The following PTPRQ variants were observed in gnomAD, a reference collection of about 807,000 sequenced individuals.
PTPRQ encodes phosphatidylinositol phosphatase PTPRQ.
Under a neutral mutation model 246.0 loss-of-function variants are expected in PTPRQ, and 199 were observed. That is an observed-to-expected ratio of 0.81 (90% CI 0.72 to 0.91). PTPRQ has a LOEUF of 0.91. PTPRQ is among the 40% of genes least tolerant of loss of function. The pLI, the probability that PTPRQ is intolerant of heterozygous loss-of-function variation, is 0.00. For missense variants in PTPRQ, 2,624 were observed against 2,528.4 expected (o/e 1.04, Z -0.81); for synonymous variants, 869 against 853.2 (o/e 1.02, Z -0.32).
intron 35 of PTPRQ, among the ~76,000 whole-genome samples, chr12:80,639,337 C>T (rs772266249): frequency 2.3e-4 from 35 of 152,142 alleles, no homozygotes; most frequent in Non-Finnish European, 4.4e-4. Flanking sequence ...AGTAAAACAA[C>T]ATTAATCAAT....
chr12:80,577,499 C>A (rs1897307427), intron 25 of PTPRQ, among the ~76,000 whole-genome samples: 1 of 152,118 alleles, frequency 6.6e-6, no homozygotes, highest in Non-Finnish European at 1.5e-5. Flanking sequence ...ATGGGAACTA[C>A]AATTCAAGAT....
chr12:80,454,439 C>A lies in PTPRQ; in HGVS notation c.391-3136C>A, dbSNP rs1204055265. The A allele has an allele frequency of 4.4e-4, 299 of 681,750 alleles. 4 individuals carry two copies. The highest frequency in any genetic ancestry group is 4.3e-3 in the South Asian group (288 of 66,256). The allele number at this position is 681,750 out of a possible 1,614,324, so 42.2% of individuals were successfully genotyped here. On this transcript the variant is annotated intron_variant, in intron 3 of 44. Coordinates refer to ENST00000644991, the MANE Select transcript of PTPRQ (RefSeq NM_001145026.2). ...GAACCCGGTACCTCAGATGGAAATGCAGAAATGGATGCCTTTTATTTCTTT... is the reference window on the plus strand; with the variant it reads ...GAACCCGGTACCTCAGATGGAAATGAAGAAATGGATGCCTTTTATTTCTTT...
chr12:80,490,662 C>G (rs1423658399), intron 9 of PTPRQ, among the ~76,000 whole-genome samples: 1 of 151,938 alleles, frequency 6.6e-6, no homozygotes, highest in Non-Finnish European at 1.5e-5. Flanking sequence ...ATGTACAGGA[C>G]AGCCTCCGCA....
chr12:80,532,241 T>C (rs1170703415), intron 17 of PTPRQ, among the ~76,000 whole-genome samples: 1 of 152,150 alleles, frequency 6.6e-6, no homozygotes, highest in Non-Finnish European at 1.5e-5. Context: ...TTTATTTTTT[T>C]GAGACACAGT....
At chr12:80,578,454 G>C (rs529223365) in intron 25 of PTPRQ, among the ~76,000 whole-genome samples, 6 of 151,936 alleles carry the variant, frequency 3.9e-5, no homozygotes, top group Admixed American at 2.0e-4. Flanking sequence ...GCAGTGGCGC[G>C]ATCTGGGCTC....
Position 80,670,394 on chromosome 12 carries a change from G to A in PTPRQ, c.6504G>A (p.Glu2168=). ...VRQCNFTAWP[E]HGVPENSAPL... is the part of the protein sequence containing the mutation. ...AGTGTAACTTTACTGCCTGGCCAGA[G>A]CATGGGGTTCCTGAGAACAGCGCCC... Residue 2168 remains glutamate, a synonymous_variant, in exon 42 of 45, where the codon GAG becomes GAA. Transcript: ENST00000644991. 1 of 1,551,136 alleles carries A rather than the reference G, an allele frequency of 6.4e-7. No individual in the cohort carries two copies. The highest frequency in any genetic ancestry group is 8.7e-7 in the Non-Finnish European group (1 of 1,146,612).
chr12:80,466,636 A>ATGGTAC lies in PTPRQ; in HGVS notation c.911-2067_911-2062dup, dbSNP rs1348460124. 2.6e-3 allele frequency among the ~76,000 whole-genome samples: 401 copies of ATGGTAC among 152,338 alleles called. 4 individuals are homozygous for ATGGTAC. The highest frequency in any genetic ancestry group is 4.5e-3 in the Non-Finnish European group (309 of 68,030). Reference sequence around the variant, plus strand: ...ACAAGGCTACAGTAACCAAAACAGAATGGTACTGGTACCAAAACAGAGATA... The same window carrying ATGGTAC: ...ACAAGGCTACAGTAACCAAAACAGAATGGTACTGGTACTGGTACCAAAACAGAGATA... On this transcript the variant is annotated intron_variant, in intron 6 of 44. Coordinates refer to ENST00000644991, the MANE Select transcript of PTPRQ (RefSeq NM_001145026.2).
chr12:80,479,041 C>G (rs2120578659), intron 8 of PTPRQ, among the ~76,000 whole-genome samples: 1 of 151,760 alleles, frequency 6.6e-6, no homozygotes, highest in South Asian at 2.1e-4. Flanking sequence ...CAAAGATACT[C>G]CTTGAGAAGA....
intron 39 of PTPRQ, among the ~76,000 whole-genome samples, chr12:80,668,537 A>G (rs1277689893): frequency 6.6e-6 from 1 of 151,874 alleles, no homozygotes; most frequent in Non-Finnish European, 1.5e-5. Context: ...GAGTGGGTTT[A>G]GAGAGCTGGT....
At chr12:80,608,563 C>CTTACAAATTATAAATTTATAAT (rs1898422424) in intron 27 of PTPRQ, among the ~76,000 whole-genome samples, 1 of 148,766 alleles carries the variant, frequency 6.7e-6, no homozygotes, top group African/African-American at 2.4e-5. Context: ...ATAAATTATA[C>CTTACAAATTATAAATTTATAAT]TTATAAATTA....
chr12:80,524,797 G>A (rs1895632475), intron 17 of PTPRQ, among the ~76,000 whole-genome samples: 1 of 152,082 alleles, frequency 6.6e-6, no homozygotes, highest in Non-Finnish European at 1.5e-5. Context: ...AAGGACACAG[G>A]TAAGGTTACA....
intron 5 of PTPRQ, among the ~76,000 whole-genome samples, chr12:80,460,029 GC>G (rs1893105188): frequency 6.6e-6 from 1 of 152,124 alleles, no homozygotes; most frequent in Admixed American, 6.5e-5. Flanking sequence ...TAATAGTAAT[GC>G]TTTATTATAG....
chr12:80,458,434 A>G (rs921026348), intron 4 of PTPRQ, among the ~76,000 whole-genome samples: 1 of 152,118 alleles, frequency 6.6e-6, no homozygotes, highest in Non-Finnish European at 1.5e-5. Flanking sequence ...TATGTAATTT[A>G]TGTGGCTATT....
At chr12:80,472,957 G>A (rs1461732174) in intron 8 of PTPRQ, among the ~76,000 whole-genome samples, 2 of 151,752 alleles carry the variant, frequency 1.3e-5, no homozygotes, top group African/African-American at 2.4e-5. Flanking sequence ...ACTTGGAAAA[G>A]TTTCCAGACT....
chr12:80,458,659 A>C (rs530894191), intron 4 of PTPRQ, among the ~76,000 whole-genome samples: 6 of 152,062 alleles, frequency 3.9e-5, no homozygotes, highest in Non-Finnish European at 7.4e-5. Context: ...ACACTTTACC[A>C]TGAGGTTAAT....
At chr12:80,516,714 G>T (rs900008952) in intron 17 of PTPRQ, among the ~76,000 whole-genome samples, 1 of 152,086 alleles carries the variant, frequency 6.6e-6, no homozygotes, top group South Asian at 2.1e-4. Flanking sequence ...GATTTTCACC[G>T]TGTTAAAAAT....
At position 80,549,572 on chromosome 12, in the gene PTPRQ, G is replaced by GT; in HGVS notation, c.4124dup (p.Thr1376AsnfsTer3). 1.3e-6 allele frequency: 2 copies of GT among 1,551,212 alleles called. No homozygotes were observed. Among genetic ancestry groups the GT allele is most frequent in the Admixed American group, 2.0e-5 (1 of 50,970 alleles). On this transcript the variant is annotated frameshift_variant, in exon 25 of 45. Transcript: ENST00000644991. LOFTEE classifies it high-confidence loss of function. ...AAATGGAATAATAACGCAGTATATG[G>GT]TAACAGTTGAAAGGAATTCTACAAA... is the stretch of plus-strand genomic sequence containing the variant.
intron 25 of PTPRQ, among the ~76,000 whole-genome samples, chr12:80,582,775 A>C (rs1490403668): frequency 6.6e-6 from 1 of 152,206 alleles, no homozygotes; most frequent in Non-Finnish European, 1.5e-5. Flanking sequence ...TGGGAGGAAG[A>C]AGAGAGTCGG....
chr12:80,564,264 A>C (rs1291054007), intron 25 of PTPRQ, among the ~76,000 whole-genome samples: 5 of 152,044 alleles, frequency 3.3e-5, no homozygotes, highest in African/African-American at 7.2e-5. Flanking sequence ...GTATTTCCAG[A>C]TTGCTGGCTT....
Sources: allele counts gnomAD v4.1 joint callset (sites outside exome capture counted in the v4.1 genomes callset), GRCh38; gene constraint gnomAD v4.1.1; transcripts MANE v1.5; gene names NCBI Gene and HGNC (gene_info 2026-07-23, HGNC 2026-07-21).